Variants in GNG3 observed in about 807,000 individuals in gnomAD.
The protein encoded by GNG3 is G protein subunit gamma 3, also known as guanine nucleotide-binding protein G(I)/G(S)/G(O) subunit gamma-3.
GNG3 carries 4 observed loss-of-function variants against 5.6 expected under a neutral mutation model. That is an observed-to-expected ratio of 0.71 (90% CI 0.35 to 1.63). The LOEUF (loss-of-function observed/expected upper bound fraction) is 1.63, where lower values mean the gene tolerates loss of function less well. GNG3 is among the 40% of genes most tolerant of loss of function. The pLI is 0.05. For missense variants in GNG3, 62 were observed against 96.6 expected, an observed-to-expected ratio of 0.64 and a Z score of 1.50; for synonymous variants, 30 against 33.5, an observed-to-expected ratio of 0.89 and a Z score of 0.36.
intron 2 of GNG3, 121 bp from the exon 3 acceptor site, chr11:62,708,557 T>A (rs1319594847): frequency 2.1e-6 from 3 of 1,414,656 alleles, no homozygotes; most frequent in Middle Eastern, 4.7e-4. Flanking sequence ...CTGGGGGGGA[T>A]GAGGGAGAAG....
chr11:62,709,121 G>T lies in GNG3; in HGVS notation c.*315G>T. 1 of 481,352 alleles carries T rather than the reference G, an allele frequency of 2.1e-6. No homozygotes were observed. Among genetic ancestry groups the T allele is most frequent in the Non-Finnish European group, 4.1e-6 (1 of 246,038 alleles). 29.8% of individuals were successfully genotyped at this position (481,352 alleles called of 1,614,324 possible). On this transcript the variant is annotated 3_prime_UTR_variant, in exon 3 of 3. Transcript: ENST00000294117. The stretch of plus-strand genomic sequence containing the variant: ...CCTGCTCAGACAATGGAGAGGGATG[G>T]GCCAGGTTCTTGCTCTCAGTCTCAC...
Position 62,708,746 on chromosome 11 carries a change from C to G in GNG3, c.168C>G (p.Thr56=). The G allele has an allele frequency of 6.2e-7, 1 of 1,614,114 alleles. No individual in the cohort carries two copies. Among genetic ancestry groups the G allele is most frequent in the Non-Finnish European group, 8.5e-7 (1 of 1,179,980 alleles). ...ACGCCTGTGAGGATCCCCTCATCAC[C>G]CCTGTGCCCACTTCGGAGAACCCCT... ...DAHACEDPLI[T]PVPTSENPFR... Residue 56 remains threonine (T), a synonymous_variant, in exon 3 of 3, where the codon ACC becomes ACG. Coordinates refer to ENST00000294117, the MANE Select transcript of GNG3 (RefSeq NM_012202.5).
upstream of GNG3, chr11:62,707,196 C>T: frequency 3.9e-6 from 6 of 1,552,344 alleles, no homozygotes; most frequent in Non-Finnish European, 5.2e-6. Flanking sequence ...CTGTAGACAT[C>T]TTCCTGACGA....
At chr11:62,708,636 C>T in intron 2 of GNG3, 42 bp from the exon 3 acceptor site, 1 of 1,609,254 alleles carries the variant, frequency 6.2e-7, no homozygotes, top group Non-Finnish European at 8.5e-7. Flanking sequence ...CAGTCCCCTT[C>T]AGAGGTCCTG....
upstream of GNG3, chr11:62,706,750 G>A (rs938747675): frequency 1.9e-6 from 1 of 520,630 alleles, no homozygotes; most frequent in African/African-American, 1.9e-5. Flanking sequence ...GTTGCAGTTT[G>A]CGGCAACCTG....
chr11:62,709,155 A>C lies in GNG3; in HGVS notation c.*349A>C, dbSNP rs1461024211. On this transcript the variant is annotated 3_prime_UTR_variant, in exon 3 of 3. Transcript: ENST00000294117. Reference sequence around the variant, plus strand: ...CTTGCTCTCAGTCTCACCTGGAGCTACTGGGAGGGTAAAGCCATTTGAAGA... The same window carrying C: ...CTTGCTCTCAGTCTCACCTGGAGCTCCTGGGAGGGTAAAGCCATTTGAAGA... 2.1e-6 allele frequency: 1 copy of C among 472,602 alleles called. No homozygotes were observed. The highest frequency in any genetic ancestry group is 1.5e-5 in the South Asian group (1 of 64,578). The allele number at this position is 472,602 out of a possible 1,614,324, so 29.3% of individuals were successfully genotyped here. A position where few individuals can be genotyped will look rare whatever the true frequency, so the allele number is the denominator to read the frequency against.
chr11:62,708,807 G>GC lies in GNG3; in HGVS notation c.*2dup. ...GAAGTTCTTCTGTGCTCTCCTCTGAGCTCCCCTGTCCCTTCTCACAACTCC... is the reference window on the plus strand; with the variant it reads ...GAAGTTCTTCTGTGCTCTCCTCTGAGCCTCCCCTGTCCCTTCTCACAACTCC... On this transcript the variant is annotated 3_prime_UTR_variant, in exon 3 of 3. Coordinates refer to ENST00000294117, the MANE Select transcript of GNG3 (RefSeq NM_012202.5). 6.2e-7 allele frequency: 1 copy of GC among 1,612,142 alleles called. No individual in the cohort carries two copies. The highest frequency in any genetic ancestry group is 8.5e-7 in the Non-Finnish European group (1 of 1,178,380).
chr11:62,708,069 G>C (rs2083572645), intron 1 of GNG3, 154 bp downstream of exon 1: 4 of 579,546 alleles, frequency 6.9e-6, no homozygotes, highest in Non-Finnish European at 1.2e-5. Flanking sequence ...AAGGTTTAAT[G>C]ATCTGTGGCC....
upstream of GNG3, chr11:62,707,175 G>T: frequency 1.3e-6 from 2 of 1,553,520 alleles, no homozygotes; most frequent in Non-Finnish European, 1.7e-6. Context: ...CCTCCTTTTG[G>T]TCTACCTTTT....
Position 62,708,421 on chromosome 11 carries a change from T to G in GNG3, c.99+27T>G, listed in dbSNP as rs754636142. ...TAGGTGGGACCCTGGCTGGCTCCCA[T>G]TAGTTGGCCAGGCTGTGCTGTGCTG... On this transcript the variant is annotated intron_variant, in intron 2 of 2. Coordinates refer to ENST00000294117, the MANE Select transcript of GNG3 (RefSeq NM_012202.5). The G allele has an allele frequency of 4.7e-6, 7 of 1,497,998 alleles. No individual in the cohort carries two copies. The Admixed American group carries it at 1.2e-4, about 25-fold the overall frequency. The allele number at this position is 1,497,998 out of a possible 1,614,324, so 92.8% of individuals were successfully genotyped here. A position where few individuals can be genotyped will look rare whatever the true frequency, so the allele number is the denominator to read the frequency against.
At position 62,707,679 on chromosome 11, in the gene GNG3, C is replaced by A. The variant is rs2083565462; in HGVS notation, c.-238C>A. On this transcript the variant is annotated 5_prime_UTR_variant, in exon 1 of 3. Coordinates refer to ENST00000294117, the MANE Select transcript of GNG3 (RefSeq NM_012202.5). ...TGCTCCAGGATCTGAGCAGCTCCTT[C>A]TAGCATCCTTCATCCTTCAGGTACC... The A allele has an allele frequency of 2.5e-6, 1 of 398,742 alleles. No individual in the cohort carries two copies. Among genetic ancestry groups the A allele is most frequent in the Non-Finnish European group, 4.7e-6 (1 of 211,624 alleles). 24.7% of individuals were successfully genotyped at this position (398,742 alleles called of 1,614,324 possible).
intron 2 of GNG3, 109 bp from the exon 3 acceptor site, chr11:62,708,569 C>T: frequency 1.3e-6 from 2 of 1,481,640 alleles, no homozygotes; most frequent in Non-Finnish European, 1.8e-6. Context: ...AGGGAGAAGA[C>T]AAGTCGTAAG....
chr11:62,708,111 T>C (rs2083573472), intron 1 of GNG3, 184 bp from the exon 2 acceptor site: 2 of 616,830 alleles, frequency 3.2e-6, no homozygotes, highest in Middle Eastern at 3.2e-4. Flanking sequence ...GAGCACCTCA[T>C]CCCACCCTAT....
chr11:62,707,145 C>T, upstream of GNG3: 1 of 1,554,706 alleles, frequency 6.4e-7, no homozygotes, highest in African/African-American at 1.4e-5. Flanking sequence ...GGTCTCCGCA[C>T]ACCTCTTTTT....
intron 1 of GNG3, 27 bp from the exon 2 acceptor site, chr11:62,708,268 G>A: frequency 7.0e-7 from 1 of 1,433,414 alleles, no homozygotes; most frequent in Non-Finnish European, 9.9e-7. Context: ...CTGAGACTGT[G>A]CTCTGAGAGG....
chr11:62,708,335 G>T lies in GNG3; in HGVS notation c.40G>T (p.Gly14Trp). 1 of 1,613,698 alleles carries T rather than the reference G, an allele frequency of 6.2e-7. No homozygotes were observed. Among genetic ancestry groups the T allele is most frequent in the East Asian group, 2.2e-5 (1 of 44,882 alleles). The change falls in exon 2 of 3, where the codon GGG (glycine) becomes TGG (tryptophan). Residue 14 changes from glycine to tryptophan, a missense_variant. This residue lies in a region of GNG3 where 58 missense variants were observed against 75.4 expected (regional missense o/e 0.77). Transcript: ENST00000294117. ...CCCGGTGAACAGCACTATGAGTATT[G>T]GGCAAGCACGCAAGATGGTGGAACA... ...ETPVNSTMSI[G>W]QARKMVEQLK...
upstream of GNG3, chr11:62,707,084 T>C: frequency 1.3e-6 from 2 of 1,545,774 alleles, no homozygotes; most frequent in Middle Eastern, 1.7e-4. Flanking sequence ...ATATTTCTGC[T>C]GACTGTCCCC....
At chr11:62,707,187 T>C (rs1423927417), upstream of GNG3, 17 of 1,553,096 alleles carry the variant, frequency 1.1e-5, no homozygotes, top group East Asian at 3.6e-4. Flanking sequence ...CTACCTTTTC[T>C]GTAGACATCT....
intron 1 of GNG3, 57 bp downstream of exon 1, chr11:62,707,972 G>A (rs1326740814): frequency 6.4e-5 from 24 of 375,710 alleles, no homozygotes; most frequent in Non-Finnish European, 1.2e-4. Flanking sequence ...CAGGGGTGAT[G>A]TGCCCTCCTC....
Sources: allele counts gnomAD v4.1 joint callset, GRCh38; gene constraint gnomAD v4.1.1; regional missense constraint gnomAD v4.1.1; transcripts MANE v1.5; gene names NCBI Gene and HGNC (gene_info 2026-07-23, HGNC 2026-07-21).